RBFOX1: variants seen among roughly 807,000 people sequenced by gnomAD.
RBFOX1 encodes the protein RNA binding protein fox-1 homolog 1.
A neutral mutation model predicts 57.7 loss-of-function variants in RBFOX1; 8 were observed. The ratio of observed to expected loss-of-function variants is 0.14; its 90% CI spans 0.08 to 0.25. The LOEUF is 0.25. Ranked by LOEUF, RBFOX1 falls within the 10% of genes least tolerant of loss-of-function variation. The pLI, the probability that RBFOX1 is intolerant of heterozygous loss-of-function variation, is 1.00. For synonymous variants in RBFOX1, 326 were observed against 222.4 expected (o/e 1.47, Z -4.15); for missense variants, 611 against 548.5 (o/e 1.11, Z -1.14).
chr16:5,330,808 G>A (rs1221119921), intron 1 of RBFOX1, among the ~76,000 whole-genome samples: 1 of 151,898 alleles, frequency 6.6e-6, no homozygotes, highest in Non-Finnish European at 1.5e-5. Context: ...GATGTGGAGA[G>A]GAAAAGTCCC....
At chr16:6,615,433 G>A (rs1332735169) in intron 2 of RBFOX1, among the ~76,000 whole-genome samples, 1 of 152,116 alleles carries the variant, frequency 6.6e-6, no homozygotes, top group African/African-American at 2.4e-5. Flanking sequence ...AGCTGGGTGT[G>A]CTGGTGGGTG....
At chr16:6,830,105 C>T (rs754992120) in intron 3 of RBFOX1, among the ~76,000 whole-genome samples, 1 of 150,746 alleles carries the variant, frequency 6.6e-6, no homozygotes, top group Non-Finnish European at 1.5e-5. Context: ...TTAATGGAGA[C>T]AAGGTTTTAC....
chr16:7,339,310 G>A (rs1254584759), intron 4 of RBFOX1, among the ~76,000 whole-genome samples: 1 of 152,176 alleles, frequency 6.6e-6, no homozygotes, highest in Admixed American at 6.5e-5. Flanking sequence ...ACTAGGTGAT[G>A]TGGTAGAATA....
intron 4 of RBFOX1, among the ~76,000 whole-genome samples, chr16:7,224,127 TAAAAAA>T (rs1168449932): frequency 7.7e-5 from 4 of 52,256 alleles, no homozygotes; most frequent in South Asian, 1.1e-3. Context: ...TTCCTTTTTC[TAAAAAA>T]AAAAAAAAAA....
intron 2 of RBFOX1, among the ~76,000 whole-genome samples, chr16:6,498,405 A>G (rs572623173): frequency 6.6e-6 from 1 of 152,204 alleles, no homozygotes; most frequent in Non-Finnish European, 1.5e-5. Context: ...GAGGAACAAT[A>G]ATCAGGCTAT....
intron 1 of RBFOX1, among the ~76,000 whole-genome samples, chr16:6,142,511 A>G (rs530795573): frequency 3.8e-4 from 58 of 152,174 alleles, no homozygotes; most frequent in East Asian, 5.8e-4. Flanking sequence ...GTGAGCCACC[A>G]TGCCTGGCCA....
intron 2 of RBFOX1, among the ~76,000 whole-genome samples, chr16:5,553,198 G>C (rs1402372041): frequency 6.6e-6 from 1 of 151,918 alleles, no homozygotes; most frequent in East Asian, 1.9e-4. Context: ...GAGTTGATGG[G>C]GGCAGCAAAC....
chr16:6,812,530 C>T (rs542909730), intron 3 of RBFOX1, among the ~76,000 whole-genome samples: 2 of 151,966 alleles, frequency 1.3e-5, no homozygotes, highest in Non-Finnish European at 2.9e-5. Context: ...CATGACACCA[C>T]GCCCAGCTAA....
At chr16:6,045,088 C>T (rs2095481338) in intron 1 of RBFOX1, among the ~76,000 whole-genome samples, 1 of 152,146 alleles carries the variant, frequency 6.6e-6, no homozygotes, top group Non-Finnish European at 1.5e-5. Flanking sequence ...AGGGTTCAGA[C>T]CAACGGAACT....
chr16:7,224,037 T>C (rs1197844599), intron 4 of RBFOX1, among the ~76,000 whole-genome samples: 1 of 150,572 alleles, frequency 6.6e-6, no homozygotes, highest in East Asian at 2.0e-4. Context: ...ATGTTGTATT[T>C]ATGACCTTTG....
intron 3 of RBFOX1, among the ~76,000 whole-genome samples, chr16:6,904,671 C>T (rs994967487): frequency 6.9e-6 from 1 of 144,398 alleles, no homozygotes; most frequent in Non-Finnish European, 1.5e-5. Flanking sequence ...TACCTGAGGA[C>T]TGTTTGGGGA....
Position 6,743,293 on chromosome 16 carries a change from C to G in RBFOX1, c.-16+88643C>G, listed in dbSNP as rs77158694. ...GGGAAAGTTGGGACAAATGAAAAAC[C>G]AATAGGTTATAGGTTTAAACCTAAT... On this transcript the variant is annotated intron_variant, in intron 3 of 15. Coordinates refer to ENST00000550418, the MANE Select transcript of RBFOX1 (RefSeq NM_018723.4). Among the ~76,000 whole-genome samples the G allele has an allele frequency of 1.7e-3, 259 of 152,096 alleles. No homozygotes were observed. The East Asian group carries it at 0.041, about 24-fold the overall frequency.
rs551675054 is a variant in RBFOX1, at chr16:6,918,011, G to A, written c.-15-134046G>A. Among the ~76,000 whole-genome samples the A allele has an allele frequency of 3.3e-5, 5 of 152,296 alleles. No homozygotes were observed. The South Asian group carries it at 1.0e-3, about 32-fold the overall frequency. On this transcript the variant is annotated intron_variant, in intron 3 of 15. Transcript: ENST00000550418. ...GTTAAAAATGTACATTTGTGGCCAG[G>A]TACATTAGCTCACGCCTGTAATCCC...
chr16:5,289,563 C>T (rs758760656), intron 1 of RBFOX1, among the ~76,000 whole-genome samples: 1 of 152,160 alleles, frequency 6.6e-6, no homozygotes, highest in Non-Finnish European at 1.5e-5. Flanking sequence ...TTCCAATTAC[C>T]TTCACTTCTT....
intron 4 of RBFOX1, among the ~76,000 whole-genome samples, chr16:7,268,445 C>A (rs1218721550): frequency 6.6e-6 from 1 of 152,174 alleles, no homozygotes; most frequent in Non-Finnish European, 1.5e-5. Context: ...GGAAGCAGGT[C>A]GTTCCTCTGC....
intron 1 of RBFOX1, among the ~76,000 whole-genome samples, chr16:5,300,205 A>C (rs2063769173): frequency 6.6e-6 from 1 of 152,176 alleles, no homozygotes; most frequent in South Asian, 2.1e-4. Context: ...TTGATTTGCA[A>C]ATATTTTATT....
chr16:6,722,890 C>T (rs185207832), intron 3 of RBFOX1, among the ~76,000 whole-genome samples: 13 of 152,268 alleles, frequency 8.5e-5, no homozygotes, highest in Admixed American at 3.9e-4. Context: ...CCTGGTCTGG[C>T]CCCCCGTGGG....
At chr16:7,413,934 G>A (rs2098454937) in intron 4 of RBFOX1, among the ~76,000 whole-genome samples, 1 of 152,122 alleles carries the variant, frequency 6.6e-6, no homozygotes, top group Non-Finnish European at 1.5e-5. Context: ...CATTGTAACA[G>A]CTCATTAGTA....
At chr16:5,674,615 G>C (rs567591985) in intron 3 of RBFOX1, among the ~76,000 whole-genome samples, 1 of 152,166 alleles carries the variant, frequency 6.6e-6, no homozygotes, top group Non-Finnish European at 1.5e-5. Context: ...ACATAGTATT[G>C]GGTTAGTGCC....
Sources: gnomAD v4.1 joint callset for allele counts (sites outside exome capture counted in the v4.1 genomes callset) on GRCh38, gnomAD v4.1.1 for gene constraint, MANE v1.5 for transcripts, NCBI Gene and HGNC (gene_info 2026-07-23, HGNC 2026-07-21) for gene names.